MALRD1: variants seen among roughly 807,000 people sequenced by gnomAD.
MALRD1 encodes MAM and LDL-receptor class A domain-containing protein 1.
MALRD1 carries 247 observed loss-of-function variants against 242.1 expected under a neutral mutation model. That is an observed-to-expected ratio of 1.02 (90% CI 0.92 to 1.13). The LOEUF (loss-of-function observed/expected upper bound fraction) is 1.13, where lower values mean the gene tolerates loss of function less well. Ranked by LOEUF, MALRD1 falls within the 50% of genes most tolerant of loss-of-function variation. The pLI is 0.00. For synonymous variants in MALRD1, 995 were observed against 866.6 expected, an observed-to-expected ratio of 1.15 and a Z score of -2.60; for missense variants, 2,989 against 2,533.1, an observed-to-expected ratio of 1.18 and a Z score of -3.86.
chr10:19,441,962 T>C (rs753919779), intron 28 of MALRD1, among the ~76,000 whole-genome samples: 1 of 152,222 alleles, frequency 6.6e-6, no homozygotes, highest in Non-Finnish European at 1.5e-5. Context: ...TTCCTATCCA[T>C]GAGCATGGAA....
intron 2 of MALRD1, among the ~76,000 whole-genome samples, chr10:19,069,878 C>G (rs1231959002): frequency 6.6e-6 from 1 of 151,912 alleles, no homozygotes; most frequent in Non-Finnish European, 1.5e-5. Context: ...CTTCTTGAAT[C>G]TGAAATGTAC....
intron 26 of MALRD1, among the ~76,000 whole-genome samples, chr10:19,356,364 G>C (rs985973717): frequency 6.6e-6 from 1 of 152,066 alleles, no homozygotes; most frequent in Non-Finnish European, 1.5e-5. Flanking sequence ...GTTTATGGAA[G>C]TTGGTGCAAG....
chr10:19,343,117 G>A (rs1165677897), intron 24 of MALRD1, among the ~76,000 whole-genome samples: 1 of 151,944 alleles, frequency 6.6e-6, no homozygotes, highest in Non-Finnish European at 1.5e-5. Context: ...GTATATCACA[G>A]TGTGAAAAAT....
intron 29 of MALRD1, among the ~76,000 whole-genome samples, chr10:19,467,881 C>T (rs1362545669): frequency 6.6e-6 from 1 of 151,994 alleles, no homozygotes; most frequent in Admixed American, 6.6e-5. Flanking sequence ...GCAACCTCTG[C>T]CTCTTGGGTT....
Position 19,133,864 on chromosome 10 carries a change from A to G in MALRD1, c.1119A>G (p.Glu373=), listed in dbSNP as rs1257071641. ...RVRLYNNKEE[E]IFWTYNISTH... ...TTCTCTTCAAATCAAAGGAAGAAGA[A>G]ATATTTTGGACATACAACATATCAA... The change falls in exon 9 of 40, where the codon GAA becomes GAG. Residue 373 remains glutamate (E), a synonymous_variant. Coordinates refer to ENST00000454679, the MANE Select transcript of MALRD1 (RefSeq NM_001142308.3). 2 of 1,227,556 alleles carry G rather than the reference A, an allele frequency of 1.6e-6. No individual in the cohort carries two copies. The highest frequency in any genetic ancestry group is 4.1e-5 in the South Asian group (1 of 24,242). The allele number at this position is 1,227,556 out of a possible 1,614,324, so 76.0% of individuals were successfully genotyped here.
rs150959102 is a variant in MALRD1, at chr10:19,404,839, G to T, written c.4845+15230G>T. On this transcript the variant is annotated intron_variant, in intron 28 of 39. Coordinates refer to ENST00000454679, the MANE Select transcript of MALRD1 (RefSeq NM_001142308.3). Reference sequence around the variant, plus strand: ...TGGATCAGAATCATTATACATAACAGAGTACTGGATATATCCATTTGCATC... The same window carrying T: ...TGGATCAGAATCATTATACATAACATAGTACTGGATATATCCATTTGCATC... Among the ~76,000 whole-genome samples the T allele has an allele frequency of 3.3e-3, 508 of 152,228 alleles. 4 individuals carry two copies. Among genetic ancestry groups the T allele is most frequent in the African/African-American group, 0.012 (491 of 41,542 alleles).
chr10:19,575,755 C>T (rs925138102), intron 33 of MALRD1, among the ~76,000 whole-genome samples: 5 of 152,164 alleles, frequency 3.3e-5, no homozygotes, highest in Non-Finnish European at 5.9e-5. Flanking sequence ...ACAGCTCAGT[C>T]AGCAAGTTCT....
intron 31 of MALRD1, among the ~76,000 whole-genome samples, chr10:19,514,755 G>A (rs148519635): frequency 6.6e-6 from 1 of 152,088 alleles, no homozygotes; most frequent in Non-Finnish European, 1.5e-5. Context: ...AAATTATCTT[G>A]ATAAAACACA....
intron 18 of MALRD1, among the ~76,000 whole-genome samples, chr10:19,210,905 G>A (rs533839583): frequency 3.3e-5 from 5 of 152,226 alleles, no homozygotes; most frequent in African/African-American, 1.2e-4. Context: ...CCGCCACAGT[G>A]TAAAGTATGT....
intron 9 of MALRD1, among the ~76,000 whole-genome samples, chr10:19,135,135 GAACA>G (rs1409716044): frequency 6.6e-6 from 1 of 152,062 alleles, no homozygotes. Flanking sequence ...AATTATTAAT[GAACA>G]AACAAATATA....
chr10:19,532,665 C>G (rs1041853957), intron 32 of MALRD1, among the ~76,000 whole-genome samples: 7 of 152,076 alleles, frequency 4.6e-5, no homozygotes, highest in African/African-American at 1.7e-4. Context: ...AAGGCCTTAT[C>G]AATTCTAGAC....
chr10:19,230,713 A>G (rs934981400), intron 18 of MALRD1, among the ~76,000 whole-genome samples: 3 of 152,182 alleles, frequency 2.0e-5, no homozygotes, highest in Admixed American at 6.5e-5. Context: ...GGAGAGAGTT[A>G]GCTTCCCTCC....
intron 18 of MALRD1, among the ~76,000 whole-genome samples, chr10:19,220,808 A>G (rs1174569150): frequency 1.3e-5 from 2 of 152,170 alleles, no homozygotes; most frequent in Non-Finnish European, 2.9e-5. Context: ...AGTCATAGAG[A>G]AGTGTTACAA....
chr10:19,341,486 AT>A (rs1843859862), intron 24 of MALRD1, among the ~76,000 whole-genome samples: 1 of 16,092 alleles, frequency 6.2e-5, no homozygotes, highest in Non-Finnish European at 1.8e-4. Flanking sequence ...ATATATGTGT[AT>A]ATATATGTAT....
chr10:19,675,704 G>A (rs1302652570), intron 36 of MALRD1, among the ~76,000 whole-genome samples: 1 of 152,192 alleles, frequency 6.6e-6, no homozygotes, highest in East Asian at 1.9e-4. Flanking sequence ...TTGTCCAAAT[G>A]TTAACTACTG....
intron 21 of MALRD1, among the ~76,000 whole-genome samples, chr10:19,315,183 T>TGTAA: frequency 7.6e-6 from 1 of 130,988 alleles, no homozygotes; most frequent in Non-Finnish European, 1.6e-5. Flanking sequence ...TATATAAATA[T>TGTAA]ATAAATATAA....
At chr10:19,198,682 T>C (rs1836374103) in intron 14 of MALRD1, among the ~76,000 whole-genome samples, 1 of 152,152 alleles carries the variant, frequency 6.6e-6, no homozygotes, top group Admixed American at 6.5e-5. Flanking sequence ...ATTGTCTAGA[T>C]CTCAGGAGAC....
intron 14 of MALRD1, among the ~76,000 whole-genome samples, chr10:19,183,923 G>A (rs1291249672): frequency 6.6e-6 from 1 of 152,080 alleles, no homozygotes; most frequent in African/African-American, 2.4e-5. Flanking sequence ...CTCTCTCTCT[G>A]CCAGTTAAAA....
At chr10:19,361,735 C>T (rs1163196986) in intron 26 of MALRD1, among the ~76,000 whole-genome samples, 2 of 152,026 alleles carry the variant, frequency 1.3e-5, no homozygotes, top group East Asian at 3.9e-4. Context: ...CAATAGAGCT[C>T]ACTCCTCTAA....
Sources: gnomAD v4.1 joint callset for allele counts (sites outside exome capture counted in the v4.1 genomes callset) on GRCh38, gnomAD v4.1.1 for gene constraint, MANE v1.5 for transcripts, NCBI Gene and HGNC (gene_info 2026-07-23, HGNC 2026-07-21) for gene names.